Variants in PRDM6 observed in about 807,000 individuals in gnomAD.
The protein encoded by PRDM6 is putative histone-lysine N-methyltransferase PRDM6.
In PRDM6, 25 loss-of-function variants were observed where a neutral mutation model predicts 60.8. The observed-to-expected ratio is 0.41, with a 90% CI of 0.30 to 0.57. The LOEUF is 0.57. PRDM6 is among the 20% of genes least tolerant of loss of function. The pLI is 0.27. For synonymous variants in PRDM6, 407 were observed against 357.4 expected, an observed-to-expected ratio of 1.14 and a Z score of -1.57; for missense variants, 839 against 821.3, an observed-to-expected ratio of 1.02 and a Z score of -0.26.
chr5:123,155,006 C>T (rs778952245), intron 3 of PRDM6, among the ~76,000 whole-genome samples: 3 of 152,138 alleles, frequency 2.0e-5, no homozygotes, highest in Admixed American at 6.5e-5. Context: ...AATCTGAAGT[C>T]GTTTCTGGAA....
rs761038820 is a variant in PRDM6, at chr5:123,159,539, A to C, written c.1054A>C (p.Ile352Leu). The C allele has an allele frequency of 6.4e-6, 10 of 1,551,346 alleles. No homozygotes were observed. The highest frequency in any genetic ancestry group is 8.7e-6 in the Non-Finnish European group (10 of 1,146,824). ...YRSNIFYRAC[I>L]DIPRGTELLV... ...GTCGAATATATTCTACCGAGCCTGT[A>C]TAGATATCCCTAGGGGCACCGAGCT... Residue 352 changes from isoleucine to leucine, a missense_variant, in exon 5 of 8, where the codon ATA becomes CTA. Ile to Leu is a conservative substitution (Grantham distance 5). Transcript: ENST00000407847.
chr5:123,172,846 A>T (rs763186196), intron 6 of PRDM6, among the ~76,000 whole-genome samples: 2 of 152,230 alleles, frequency 1.3e-5, no homozygotes, highest in Non-Finnish European at 2.9e-5. Context: ...ATTTCATGGT[A>T]GGTAGATACT....
chr5:123,183,720 G>A (rs918698986), intron 7 of PRDM6, among the ~76,000 whole-genome samples: 1 of 152,198 alleles, frequency 6.6e-6, no homozygotes, highest in Admixed American at 6.5e-5. Flanking sequence ...CAATGGCCAA[G>A]CATTTTATTG....
Position 123,090,137 on chromosome 5 carries a change from G to C in PRDM6, c.123G>C (p.Ala41=). Residue 41 remains alanine (A), a synonymous_variant, in exon 2 of 8, where the codon GCG becomes GCC. Transcript: ENST00000407847. ...GCCCGCTCAAGGGCAGCGGCGCCGC[G>C]GGTCTCCTGAGCGCGCCGCAGCCTC... The part of the protein sequence containing the change: ...GAGPLKGSGA[A]GLLSAPQPLQ... 1 of 1,535,054 alleles carries C rather than the reference G, an allele frequency of 6.5e-7. No homozygotes were observed. The highest frequency in any genetic ancestry group is 8.8e-7 in the Non-Finnish European group (1 of 1,140,834).
chr5:123,141,366 A>T (rs1179738938), intron 3 of PRDM6, among the ~76,000 whole-genome samples: 3 of 152,096 alleles, frequency 2.0e-5, no homozygotes, highest in Non-Finnish European at 4.4e-5. Flanking sequence ...TCATTATATA[A>T]TTAAAGCAAT....
intron 3 of PRDM6, among the ~76,000 whole-genome samples, chr5:123,136,113 A>G (rs79480743): frequency 0.013 from 1,998 of 152,310 alleles, 13 homozygotes; most frequent in Non-Finnish European, 0.019. Flanking sequence ...GCCTCTTTGA[A>G]GTGAGAGTGA....
intron 3 of PRDM6, among the ~76,000 whole-genome samples, chr5:123,152,108 A>T (rs915762431): frequency 2.0e-5 from 3 of 152,322 alleles, no homozygotes; most frequent in East Asian, 3.9e-4. Flanking sequence ...CACAGGAGTG[A>T]TGAATGTTTG....
Position 123,113,683 on chromosome 5 carries a change from A to C in PRDM6, c.900+13722A>C, listed in dbSNP as rs1431951936. ...CACTATCTGGCCTGTACTCCCATTA[A>C]ATTACAGGGCCTCAGCCTCTGCCAC... is the stretch of plus-strand genomic sequence containing the variant. On this transcript the variant is annotated intron_variant, in intron 3 of 7. Transcript: ENST00000407847. 4.6e-5 allele frequency among the ~76,000 whole-genome samples: 7 copies of C among 152,180 alleles called. No homozygotes were observed. The East Asian group carries it at 1.4e-3, about 29-fold the overall frequency.
At chr5:123,092,646 C>T (rs1763867044) in intron 2 of PRDM6, among the ~76,000 whole-genome samples, 1 of 152,056 alleles carries the variant, frequency 6.6e-6, no homozygotes, top group Non-Finnish European at 1.5e-5. Flanking sequence ...TCCTTTTGAG[C>T]CAACTGGATT....
chr5:123,098,702 C>A (rs749209894), intron 2 of PRDM6, among the ~76,000 whole-genome samples: 2 of 152,220 alleles, frequency 1.3e-5, no homozygotes, highest in African/African-American at 2.4e-5. Flanking sequence ...GCCTGGAGAA[C>A]AGCCGTCGGG....
chr5:123,092,511 A>ATAGATTCC (rs1156295972), intron 2 of PRDM6, among the ~76,000 whole-genome samples: 1 of 152,214 alleles, frequency 6.6e-6, no homozygotes, highest in East Asian at 1.9e-4. Context: ...AAGAATTAGG[A>ATAGATTCC]TAGATTCCTA....
chr5:123,111,749 G>T (rs998083000), intron 3 of PRDM6, among the ~76,000 whole-genome samples: 1 of 150,574 alleles, frequency 6.6e-6, no homozygotes, highest in Non-Finnish European at 1.5e-5. Flanking sequence ...TCTCTTCCTT[G>T]CCCCTTGTGG....
chr5:123,135,445 A>T (rs1764932662), intron 3 of PRDM6, among the ~76,000 whole-genome samples: 1 of 152,180 alleles, frequency 6.6e-6, no homozygotes, highest in Non-Finnish European at 1.5e-5. Context: ...GAATGCAGAC[A>T]TTTCTCCACT....
intron 3 of PRDM6, among the ~76,000 whole-genome samples, chr5:123,120,735 T>A (rs1764561775): frequency 6.6e-6 from 1 of 152,244 alleles, no homozygotes; most frequent in Non-Finnish European, 1.5e-5. Flanking sequence ...TACCATTATA[T>A]TTAAAATATT....
intron 3 of PRDM6, among the ~76,000 whole-genome samples, chr5:123,147,906 T>C (rs2126866726): frequency 6.6e-6 from 1 of 152,342 alleles, no homozygotes; most frequent in East Asian, 1.9e-4. Context: ...ATTCACCAAA[T>C]GCTCAACAGT....
chr5:123,181,490 G>A (rs531979495), intron 7 of PRDM6, among the ~76,000 whole-genome samples: 1 of 152,216 alleles, frequency 6.6e-6, no homozygotes, highest in African/African-American at 2.4e-5. Flanking sequence ...GAGTCAGCAT[G>A]CATGGTTGAT....
rs891745541 is a variant in PRDM6 at position 123,189,689 on chromosome 5, C to T, written c.*2488C>T. ...AATTTGGTCAGAAAATATTTTCTGC[C>T]TAACAAATAGAAAATTGGATACTCT... On this transcript the variant is annotated 3_prime_UTR_variant, in exon 8 of 8. Transcript: ENST00000407847. 1.3e-4 allele frequency: 20 copies of T among 152,106 alleles called. No homozygotes were observed. Among genetic ancestry groups the T allele is most frequent in the Admixed American group, 9.8e-4 (15 of 15,278 alleles). 9.4% of individuals were successfully genotyped at this position (152,106 alleles called of 1,614,324 possible).
At chr5:123,092,877 A>G (rs1239767247) in intron 2 of PRDM6, among the ~76,000 whole-genome samples, 4 of 152,200 alleles carry the variant, frequency 2.6e-5, no homozygotes, top group Admixed American at 1.3e-4. Context: ...CATGGGATGT[A>G]CTTTTACAAA....
At chr5:123,108,242 A>G (rs1180954397) in intron 3 of PRDM6, among the ~76,000 whole-genome samples, 1 of 152,204 alleles carries the variant, frequency 6.6e-6, no homozygotes, top group African/African-American at 2.4e-5. Context: ...CTATAGAAAC[A>G]TCCAGTGTAA....
Sources: allele counts gnomAD v4.1 joint callset (sites outside exome capture counted in the v4.1 genomes callset), GRCh38; gene constraint gnomAD v4.1.1; transcripts MANE v1.5; gene names NCBI Gene and HGNC (gene_info 2026-07-23, HGNC 2026-07-21).